PZP: variants seen among roughly 807,000 people sequenced by gnomAD.
PZP encodes the protein PZP alpha-2-macroglobulin like.
Under a neutral mutation model 179.8 loss-of-function variants are expected in PZP, and 150 were observed. The ratio of observed to expected loss-of-function variants is 0.83; its 90% CI spans 0.73 to 0.96. PZP has a LOEUF of 0.96. PZP is among the 40% of genes least tolerant of loss of function. The pLI is 0.00. For missense variants in PZP, 1,689 were observed against 1,764.0 expected (o/e 0.96, Z 0.76); for synonymous variants, 624 against 652.3 (o/e 0.96, Z 0.66).
At chr12:9,166,997 C>G (rs753060716) in intron 17 of PZP, 6 of 152,286 alleles carry the variant, frequency 3.9e-5, no homozygotes, top group Admixed American at 2.0e-4. Context: ...AAATATATTT[C>G]TAGCAATTTC....
intron 11 of PZP, among the ~76,000 whole-genome samples, chr12:9,193,280 T>A (rs1277617084): frequency 6.6e-6 from 1 of 152,212 alleles, no homozygotes; most frequent in African/African-American, 2.4e-5. Context: ...TCCCTTGTGG[T>A]AACTGCTCCT....
At chr12:9,181,451 T>C (rs766054664) in intron 14 of PZP, among the ~76,000 whole-genome samples, 60 of 152,322 alleles carry the variant, frequency 3.9e-4, no homozygotes, top group African/African-American at 1.4e-3. Context: ...AGTGATTCTA[T>C]TTAGACAGGA....
the PZP span, among the ~76,000 whole-genome samples, chr12:9,136,885 T>TGTTGA: frequency 6.6e-6 from 1 of 152,218 alleles, no homozygotes; most frequent in Non-Finnish European, 1.5e-5. Context: ...GTTTTTTTGC[T>TGTTGA]GTTGAGTTGA....
intron 14 of PZP, among the ~76,000 whole-genome samples, chr12:9,181,363 T>C (rs1227736050): frequency 6.6e-6 from 1 of 152,242 alleles, no homozygotes; most frequent in Non-Finnish European, 1.5e-5. Flanking sequence ...AATAGTTAGA[T>C]CTGTTAAAAG....
the PZP span, among the ~76,000 whole-genome samples, chr12:9,139,288 C>T: frequency 6.6e-6 from 1 of 152,050 alleles, no homozygotes; most frequent in South Asian, 2.1e-4. Flanking sequence ...GCCAGAAAGA[C>T]ACTTGGTGTG....
intron 29 of PZP, 86 bp downstream of exon 29, chr12:9,154,530 C>A: frequency 1.6e-6 from 2 of 1,243,780 alleles, no homozygotes; most frequent in South Asian, 1.4e-5. Context: ...TAATAATTGC[C>A]TTCTCTTTTC....
rs1199932654 is a variant in PZP, at chr12:9,165,200, A to C, written c.2426T>G (p.Ile809Ser). The C allele has an allele frequency of 6.2e-7, 1 of 1,614,184 alleles. No individual in the cohort carries two copies. Among genetic ancestry groups the C allele is most frequent in the Non-Finnish European group, 8.5e-7 (1 of 1,180,026 alleles). ...FVELTMPYSV[I>S]RGEVFTLKAT... ...CTTGAGTGTGAAGACCTCTCCACGAATCACAGAGTAAGGCATTGTGAGCTC... is the reference window on the plus strand; with the variant it reads ...CTTGAGTGTGAAGACCTCTCCACGACTCACAGAGTAAGGCATTGTGAGCTC... The change falls in exon 19 of 36, where the codon ATT becomes AGT. Residue 809 changes from isoleucine (I) to serine (S), a missense_variant. By Grantham distance (142) the Ile-to-Ser change is moderately radical (BLOSUM62 -2). This residue lies in a region of PZP where 201 missense variants were observed against 284.2 expected (regional missense o/e 0.71). Coordinates refer to ENST00000261336, the MANE Select transcript of PZP (RefSeq NM_002864.3).
intron 22 of PZP, chr12:9,162,259 G>T: frequency 5.0e-6 from 1 of 201,076 alleles, no homozygotes; most frequent in Non-Finnish European, 9.9e-6. Flanking sequence ...ACCACACCCG[G>T]CTAACCCTGC....
intron 4 of PZP, 66 bp from the exon 5 acceptor site, chr12:9,201,413 T>C: frequency 9.4e-6 from 12 of 1,273,852 alleles, no homozygotes; most frequent in Non-Finnish European, 1.2e-5. Context: ...TTCAGACTTG[T>C]GATCAAACAA....
chr12:9,159,908 T>C (rs1481773144), intron 25 of PZP, 30 bp downstream of exon 25: 2 of 1,564,316 alleles, frequency 1.3e-6, no homozygotes, highest in Non-Finnish European at 1.8e-6. Context: ...GAACTCATAG[T>C]TGAAACTCAG....
chr12:9,163,856 C>T (rs201119614), intron 20 of PZP, 67 bp from the exon 21 acceptor site: 2 of 1,518,376 alleles, frequency 1.3e-6, no homozygotes, highest in Non-Finnish European at 8.9e-7. Context: ...AAGGGCTGCA[C>T]CTTAAACTTA....
At chr12:9,169,358 G>T in intron 16 of PZP, 72 bp downstream of exon 16, 2 of 1,353,570 alleles carry the variant, frequency 1.5e-6, no homozygotes, top group South Asian at 1.5e-5. Flanking sequence ...CTAAGATTAT[G>T]AATAGATACA....
intron 1 of PZP, among the ~76,000 whole-genome samples, chr12:9,206,724 A>G (rs1326799914): frequency 1.3e-5 from 2 of 152,072 alleles, no homozygotes; most frequent in East Asian, 3.9e-4. Flanking sequence ...TTATAAAGGG[A>G]GAAAACACCC....
At chr12:9,178,866 A>G (rs1942568204) in intron 15 of PZP, among the ~76,000 whole-genome samples, 1 of 152,186 alleles carries the variant, frequency 6.6e-6, no homozygotes, top group Non-Finnish European at 1.5e-5. Flanking sequence ...GTTAATTTTG[A>G]TAATTAAAAA....
intron 26 of PZP, among the ~76,000 whole-genome samples, chr12:9,158,185 G>T (rs999726135): frequency 1.3e-5 from 2 of 152,150 alleles, no homozygotes; most frequent in Non-Finnish European, 2.9e-5. Context: ...ATACTCCTGG[G>T]CTCAAGTGAT....
At chr12:9,161,155 A>T in intron 22 of PZP, 39 bp from the exon 23 acceptor site, 1 of 1,446,338 alleles carries the variant, frequency 6.9e-7, no homozygotes, top group South Asian at 1.3e-5. Context: ...GAGGACATCT[A>T]TGATTACAAT....
chr12:9,200,912 G>A lies in PZP; in HGVS notation c.650C>T (p.Pro217Leu), dbSNP rs894110497. Reference protein sequence around the residue: ...QTESGGRIQHPFTVEEFVLPK... With the variant: ...QTESGGRIQHLFTVEEFVLPK... ...CATACCAAATTCCTCCACGGTGAAG[G>A]GGTGCTGTATCCTTCCACCTGATTC... The change falls in exon 6 of 36, where the codon CCC becomes CTC. Residue 217 changes from proline to leucine, a missense_variant. By Grantham distance (98) the Pro-to-Leu change is moderately conservative. Transcript: ENST00000261336. 7 of 1,612,870 alleles carry A rather than the reference G, an allele frequency of 4.3e-6. No individual in the cohort carries two copies. Among genetic ancestry groups the A allele is most frequent in the Non-Finnish European group, 5.9e-6 (7 of 1,179,616 alleles).
Position 9,196,687 on chromosome 12 carries a change from T to G in PZP, c.868-2A>C. On this transcript the variant is annotated splice_acceptor_variant, in intron 8 of 35. Coordinates refer to ENST00000261336, the MANE Select transcript of PZP (RefSeq NM_002864.3). LOFTEE classifies it high-confidence loss of function. ...GGTGATGCAGCCATTGCTGTTAAGC[T>G]GAGAAAAATACCAAAACCAATAAAT... The G allele has an allele frequency of 2.5e-6, 4 of 1,590,570 alleles. No homozygotes were observed. In the South Asian group the frequency reaches 4.4e-5, roughly 18 times the overall value.
chr12:9,189,585 A>C (rs1463603941), intron 13 of PZP, among the ~76,000 whole-genome samples: 1 of 152,224 alleles, frequency 6.6e-6, no homozygotes, highest in Non-Finnish European at 1.5e-5. Flanking sequence ...GGAACTGCAA[A>C]GATTTCATGA....
Sources: allele counts gnomAD v4.1 joint callset (sites outside exome capture counted in the v4.1 genomes callset), GRCh38; gene constraint gnomAD v4.1.1; regional missense constraint gnomAD v4.1.1; transcripts MANE v1.5; gene names NCBI Gene and HGNC (gene_info 2026-07-23, HGNC 2026-07-21).